DRICH1: variants seen among roughly 807,000 people sequenced by gnomAD.
DRICH1 encodes aspartate-rich protein 1.
In DRICH1, 38 loss-of-function variants were observed where a neutral mutation model predicts 39.5. The ratio of observed to expected loss-of-function variants is 0.96; its 90% confidence interval spans 0.74 to 1.26. DRICH1 has a LOEUF of 1.26. Ranked by LOEUF, DRICH1 falls within the 50% of genes most tolerant of loss-of-function variation. The pLI is 0.00. For missense variants in DRICH1, 279 were observed against 270.4 expected, an observed-to-expected ratio of 1.03 and a Z score of -0.22; for synonymous variants, 84 against 99.5, an observed-to-expected ratio of 0.84 and a Z score of 0.93.
At chr22:23,620,334 C>T (rs1225918887) in intron 5 of DRICH1, among the ~76,000 whole-genome samples, 1 of 152,210 alleles carries the variant, frequency 6.6e-6, no homozygotes, top group Non-Finnish European at 1.5e-5. Context: ...TTTATAACCA[C>T]CAACATCAGG....
chr22:23,596,264 C>G, the DRICH1 span, among the ~76,000 whole-genome samples: 843 of 147,262 alleles, frequency 5.7e-3, 10 homozygotes, highest in African/African-American at 0.022. Flanking sequence ...AGGTTGTCCC[C>G]TTCCTCTTCC....
At chr22:23,628,663 G>C (rs1928215304) in intron 1 of DRICH1, among the ~76,000 whole-genome samples, 1 of 152,158 alleles carries the variant, frequency 6.6e-6, no homozygotes, top group Non-Finnish European at 1.5e-5. Flanking sequence ...TTCCATAAGA[G>C]GTGAAAAAGA....
the DRICH1 span, among the ~76,000 whole-genome samples, chr22:23,585,315 A>G: frequency 6.6e-6 from 1 of 152,064 alleles, no homozygotes; most frequent in Non-Finnish European, 1.5e-5. Context: ...ATTGTGTTAC[A>G]TGTTTTGTTG....
intron 11 of DRICH1, among the ~76,000 whole-genome samples, chr22:23,609,624 G>A (rs946982731): frequency 3.3e-5 from 5 of 151,978 alleles, no homozygotes; most frequent in Non-Finnish European, 7.4e-5. Flanking sequence ...GACTTTCCCT[G>A]GCAGGACTGT....
At chr22:23,596,008 C>T in the DRICH1 span, among the ~76,000 whole-genome samples, 1 of 152,220 alleles carries the variant, frequency 6.6e-6, no homozygotes, top group Non-Finnish European at 1.5e-5. Context: ...CAGGAACCCA[C>T]AGCCTGTCTT....
intron 10 of DRICH1, 66 bp from the exon 11 acceptor site, chr22:23,613,396 C>T: frequency 2.2e-6 from 3 of 1,346,864 alleles, no homozygotes; most frequent in Non-Finnish European, 3.2e-6. Context: ...TCCTACTTTA[C>T]TTTAGCTGAA....
intron 10 of DRICH1, 108 bp downstream of exon 10, chr22:23,613,531 C>G (rs1485631435): frequency 1.0e-6 from 1 of 985,214 alleles, no homozygotes; most frequent in Non-Finnish European, 1.6e-6. Flanking sequence ...GAATCACTTT[C>G]ACGAGAACCC....
chr22:23,617,410 C>T (rs1927424000), intron 7 of DRICH1, among the ~76,000 whole-genome samples, 165 bp downstream of exon 7: 1 of 152,138 alleles, frequency 6.6e-6, no homozygotes, highest in Admixed American at 6.6e-5. Flanking sequence ...TGCTAGGCTC[C>T]TGCTTGGATT....
chr22:23,597,335 A>G, the DRICH1 span, among the ~76,000 whole-genome samples: 98 of 148,744 alleles, frequency 6.6e-4, no homozygotes, highest in African/African-American at 2.3e-3. Context: ...CTACAACACA[A>G]CACAACAAAA....
chr22:23,584,049 A>G, the DRICH1 span, among the ~76,000 whole-genome samples: 2 of 152,094 alleles, frequency 1.3e-5, no homozygotes, highest in Non-Finnish European at 1.5e-5. Context: ...GCCTCAGACC[A>G]CATCTTTCTG....
chr22:23,601,950 C>T, the DRICH1 span, among the ~76,000 whole-genome samples: 1 of 151,488 alleles, frequency 6.6e-6, no homozygotes, highest in Non-Finnish European at 1.5e-5. Context: ...CCCTGTAATC[C>T]CAGCACTGTG....
rs145845148 is a variant in DRICH1, at chr22:23,615,667, C to T, written c.541+1186G>A. On this transcript the variant is annotated intron_variant, in intron 8 of 11. Coordinates refer to ENST00000317749, the MANE Select transcript of DRICH1 (RefSeq NM_016449.4). The stretch of plus-strand genomic sequence containing the variant: ...AGAAATGGAAAACATAATCCTACAA[C>T]TTTAATGAATTTTATATGTCTCAAG... Among the ~76,000 whole-genome samples, 233 of 152,312 alleles carry T rather than the reference C, an allele frequency of 1.5e-3. 1 individual carries two copies. The highest frequency in any genetic ancestry group is 5.1e-3 in the African/African-American group (210 of 41,564).
chr22:23,618,221 C>T (rs1448551209), intron 6 of DRICH1, among the ~76,000 whole-genome samples: 1 of 149,882 alleles, frequency 6.7e-6, no homozygotes, highest in African/African-American at 2.5e-5. Flanking sequence ...TTGCACCATT[C>T]TCCTACCTCA....
At chr22:23,619,714 T>C (rs1476821388) in intron 5 of DRICH1, among the ~76,000 whole-genome samples, 1 of 151,468 alleles carries the variant, frequency 6.6e-6, no homozygotes, top group East Asian at 1.9e-4. Context: ...AAAAACAGAA[T>C]GCTGATAGAT....
intron 8 of DRICH1, among the ~76,000 whole-genome samples, chr22:23,616,199 T>G (rs1315853436): frequency 6.6e-6 from 1 of 152,176 alleles, no homozygotes; most frequent in Non-Finnish European, 1.5e-5. Flanking sequence ...GAATTTTGTC[T>G]CCAGAATTAA....
chr22:23,631,798 C>T lies in DRICH1; in HGVS notation c.208+18G>A. 2 of 1,607,218 alleles carry T rather than the reference C, an allele frequency of 1.2e-6. No individual in the cohort carries two copies. The highest frequency in any genetic ancestry group is 2.2e-5 in the South Asian group (2 of 90,856). ...CAGAGGTGTGCCAGAGGGTAAACGGCACCCGTGGCTTTTTTACCTGTGGGC... is the reference window on the plus strand; with the variant it reads ...CAGAGGTGTGCCAGAGGGTAAACGGTACCCGTGGCTTTTTTACCTGTGGGC... On this transcript the variant is annotated intron_variant, in intron 1 of 11. Transcript: ENST00000317749.
chr22:23,632,431 G>GC (rs371080321), upstream of DRICH1: 1,052 of 245,426 alleles, frequency 4.3e-3, no homozygotes, highest in South Asian at 7.9e-3. Context: ...CAGCCCCACA[G>GC]CCCCCCCCAA....
chr22:23,582,570 A>ATTATTATTAT, the DRICH1 span, among the ~76,000 whole-genome samples: 3 of 135,626 alleles, frequency 2.2e-5, no homozygotes, highest in African/African-American at 7.9e-5. Flanking sequence ...TATTATTATT[A>ATTATTATTAT]TTATTATTAT....
At chr22:23,582,279 TTCTTTTTTTTTTTTGAGACGGAGTCTCAC>T in the DRICH1 span, among the ~76,000 whole-genome samples, 1 of 151,276 alleles carries the variant, frequency 6.6e-6, no homozygotes, top group Non-Finnish European at 1.5e-5. Context: ...AACTGGCTTT[TTCTTTTTTTTTTTTGAGACGGAGTCTCAC>T]TCTGTTGCCC....
Sources: gnomAD v4.1 joint callset for allele counts (sites outside exome capture counted in the v4.1 genomes callset) on GRCh38, gnomAD v4.1.1 for gene constraint, MANE v1.5 for transcripts, NCBI Gene and HGNC (gene_info 2026-07-23, HGNC 2026-07-21) for gene names.